Variants in AUTS2 observed in about 807,000 individuals in gnomAD.
AUTS2 encodes the protein autism susceptibility gene 2 protein.
In AUTS2, 17 loss-of-function variants were observed where a neutral mutation model predicts 112.4. The ratio of observed to expected loss-of-function variants is 0.15; its 90% CI spans 0.10 to 0.23. The LOEUF is 0.23. Ranked by LOEUF, AUTS2 falls within the 10% of genes least tolerant of loss-of-function variation. AUTS2 has a pLI of 1.00. For missense variants in AUTS2, 1,510 were observed against 1,701.6 expected (o/e 0.89, Z 1.98); for synonymous variants, 751 against 702.7 (o/e 1.07, Z -1.09).
intron 14 of AUTS2, 162 bp downstream of exon 14, chr7:70,777,336 A>T: frequency 1.5e-6 from 1 of 671,316 alleles, no homozygotes; most frequent in Non-Finnish European, 2.6e-6. Flanking sequence ...AGTCTTACTT[A>T]TTTTTTCCTA....
At chr7:70,583,236 C>A (rs2129527424) in intron 5 of AUTS2, among the ~76,000 whole-genome samples, 1 of 152,158 alleles carries the variant, frequency 6.6e-6, no homozygotes, top group Middle Eastern at 3.4e-3. Context: ...GTAAGATATC[C>A]CAGAGATTAT....
In AUTS2 at chr7:69,721,389, C is replaced by T. The variant is rs529565361; in HGVS notation, c.309+121427C>T. Among the ~76,000 whole-genome samples, 6 of 152,356 alleles carry T rather than the reference C, an allele frequency of 3.9e-5. No homozygotes were observed. In the East Asian group the frequency reaches 1.2e-3, roughly 29 times the overall value. On this transcript the variant is annotated intron_variant, in intron 1 of 18. Transcript: ENST00000342771. ...CTGTCTGAAGGAGGCAGACACTCTT[C>T]CCTTATTCCGCTTTTCTTCATAGCA...
At chr7:69,630,575 T>G (rs1794183438) in intron 1 of AUTS2, among the ~76,000 whole-genome samples, 1 of 152,246 alleles carries the variant, frequency 6.6e-6, no homozygotes, top group Non-Finnish European at 1.5e-5. Flanking sequence ...TTGTAAAGTC[T>G]GGTATTTAAC....
chr7:70,648,120 G>A (rs1218300876), intron 5 of AUTS2, among the ~76,000 whole-genome samples: 1 of 152,180 alleles, frequency 6.6e-6, no homozygotes, highest in Non-Finnish European at 1.5e-5. Context: ...TACCTCTTCA[G>A]GGTTCTGGTG....
At chr7:70,651,159 G>A (rs961087459) in intron 5 of AUTS2, among the ~76,000 whole-genome samples, 1 of 152,210 alleles carries the variant, frequency 6.6e-6, no homozygotes, top group African/African-American at 2.4e-5. Context: ...GCTATTATGA[G>A]ATGGGATTAT....
chr7:70,025,667 G>A (rs1800486301), intron 2 of AUTS2, among the ~76,000 whole-genome samples: 1 of 151,564 alleles, frequency 6.6e-6, no homozygotes, highest in African/African-American at 2.4e-5. Context: ...TGTTGGACAG[G>A]CTGGTCTTGA....
At chr7:69,984,347 C>CA (rs1240953260) in intron 2 of AUTS2, among the ~76,000 whole-genome samples, 7 of 141,776 alleles carry the variant, frequency 4.9e-5, no homozygotes, top group African/African-American at 1.9e-4. Context: ...GTGGAGCTTG[C>CA]AGTGAGCCAA....
intron 2 of AUTS2, among the ~76,000 whole-genome samples, chr7:69,980,492 C>T (rs1330092531): frequency 6.6e-6 from 1 of 151,938 alleles, no homozygotes; most frequent in Non-Finnish European, 1.5e-5. Flanking sequence ...CAAGGTAGAT[C>T]TGGTTATGTA....
chr7:69,904,502 C>T (rs1054845374), intron 2 of AUTS2, among the ~76,000 whole-genome samples: 9 of 152,140 alleles, frequency 5.9e-5, no homozygotes, highest in African/African-American at 1.9e-4. Context: ...ATTTGAGACA[C>T]GAATGTAATT....
At chr7:70,501,714 C>G (rs748875128) in intron 5 of AUTS2, among the ~76,000 whole-genome samples, 38 of 152,204 alleles carry the variant, frequency 2.5e-4, no homozygotes, top group South Asian at 8.3e-4. Flanking sequence ...CTCCTTCCCC[C>G]CTTTCTCCAC....
intron 2 of AUTS2, among the ~76,000 whole-genome samples, chr7:69,940,927 C>A (rs533540114): frequency 3.3e-5 from 5 of 152,258 alleles, no homozygotes; most frequent in African/African-American, 1.2e-4. Context: ...TGTAACCAGA[C>A]TGGAACATGA....
chr7:70,079,709 A>G (rs1803208239), intron 2 of AUTS2, among the ~76,000 whole-genome samples: 1 of 152,146 alleles, frequency 6.6e-6, no homozygotes, highest in African/African-American at 2.4e-5. Flanking sequence ...GTATTCAATG[A>G]CATCACTTTA....
At chr7:69,673,414 A>G (rs552363798) in intron 1 of AUTS2, among the ~76,000 whole-genome samples, 9 of 152,308 alleles carry the variant, frequency 5.9e-5, no homozygotes, top group South Asian at 4.1e-4. Context: ...CAGTTATTCT[A>G]TGGCGCTAAA....
chr7:70,210,669 A>G (rs1240390855), intron 4 of AUTS2, among the ~76,000 whole-genome samples: 1 of 152,154 alleles, frequency 6.6e-6, no homozygotes, highest in Non-Finnish European at 1.5e-5. Flanking sequence ...CACTCTGCAG[A>G]GGGGAAGGTT....
intron 2 of AUTS2, among the ~76,000 whole-genome samples, chr7:70,100,249 G>C (rs1804412777): frequency 6.6e-6 from 1 of 152,066 alleles, no homozygotes; most frequent in Admixed American, 6.6e-5. Flanking sequence ...AAAAATTCTG[G>C]TTTATAACCA....
chr7:69,762,650 G>A (rs185829732), intron 1 of AUTS2, among the ~76,000 whole-genome samples: 28 of 152,072 alleles, frequency 1.8e-4, no homozygotes, highest in Non-Finnish European at 2.5e-4. Context: ...TGGCTAATTC[G>A]TGTTGGTGAC....
intron 1 of AUTS2, among the ~76,000 whole-genome samples, chr7:69,850,163 G>A (rs1007072492): frequency 3.3e-5 from 5 of 151,610 alleles, no homozygotes; most frequent in African/African-American, 1.2e-4. Flanking sequence ...GCCGGGCGTA[G>A]TGGCATGCGC....
At chr7:69,934,535 G>C (rs1320369385) in intron 2 of AUTS2, among the ~76,000 whole-genome samples, 3 of 152,170 alleles carry the variant, frequency 2.0e-5, no homozygotes, top group Admixed American at 2.0e-4. Flanking sequence ...GGATTGTCTA[G>C]TGTCTAATCT....
At chr7:69,976,585 A>C (rs893798615) in intron 2 of AUTS2, among the ~76,000 whole-genome samples, 1 of 152,156 alleles carries the variant, frequency 6.6e-6, no homozygotes, top group Admixed American at 6.5e-5. Context: ...TTACAATCCC[A>C]CCATTAGTGC....
Sources: allele counts gnomAD v4.1 joint callset (sites outside exome capture counted in the v4.1 genomes callset), GRCh38; gene constraint gnomAD v4.1.1; transcripts MANE v1.5; gene names NCBI Gene and HGNC (gene_info 2026-07-23, HGNC 2026-07-21).